The following C19orf18 variants were observed in gnomAD, a reference collection of about 807,000 sequenced individuals.
The protein encoded by C19orf18 is uncharacterized protein C19orf18.
In C19orf18, 21 loss-of-function variants were observed where a neutral mutation model predicts 23.3. That is an observed-to-expected ratio of 0.90 (90% CI 0.64 to 1.30). The LOEUF (loss-of-function observed/expected upper bound fraction) is 1.30. C19orf18 is among the 50% of genes most tolerant of loss of function. The pLI, the probability that C19orf18 is intolerant of heterozygous loss-of-function variation, is 0.00. For synonymous variants in C19orf18, 96 were observed against 95.2 expected, an observed-to-expected ratio of 1.01 and a Z score of -0.05; for missense variants, 249 against 259.6, an observed-to-expected ratio of 0.96 and a Z score of 0.28.
chr19:57,958,548 C>G lies in C19orf18; in HGVS notation c.*54G>C. Reference sequence around the variant, plus strand: ...AAGCCACGCCCACAGGCTCAGTCTCCCAGCACCCCCATAGTTTCTCCTCTG... The same window carrying G: ...AAGCCACGCCCACAGGCTCAGTCTCGCAGCACCCCCATAGTTTCTCCTCTG... On this transcript the variant is annotated 3_prime_UTR_variant, in exon 6 of 6. Coordinates refer to ENST00000314391, the MANE Select transcript of C19orf18 (RefSeq NM_152474.5). 8.1e-7 allele frequency: 1 copy of G among 1,238,380 alleles called. No homozygotes were observed. Among genetic ancestry groups the G allele is most frequent in the Non-Finnish European group, 1.1e-6 (1 of 875,248 alleles). The allele number at this position is 1,238,380 out of a possible 1,614,324, so 76.7% of individuals were successfully genotyped here.
At chr19:57,958,962 T>C (rs1021914442) in intron 5 of C19orf18, among the ~76,000 whole-genome samples, 1 of 152,232 alleles carries the variant, frequency 6.6e-6, no homozygotes, top group Admixed American at 6.5e-5. Flanking sequence ...AGAAAATTTA[T>C]AATCCAATGT....
chr19:57,971,101 G>T (rs1223773954), intron 3 of C19orf18, among the ~76,000 whole-genome samples: 2 of 152,154 alleles, frequency 1.3e-5, no homozygotes, highest in South Asian at 2.1e-4. Flanking sequence ...GCTTTAGGAA[G>T]ATTGATAATG....
At chr19:57,963,978 A>G (rs1253707146) in intron 4 of C19orf18, among the ~76,000 whole-genome samples, 2 of 152,216 alleles carry the variant, frequency 1.3e-5, no homozygotes, top group African/African-American at 4.8e-5. Context: ...ATAAAAGCAA[A>G]CTTACCAATA....
chr19:57,966,421 C>A (rs1055454906), intron 4 of C19orf18, 109 bp downstream of exon 4: 1 of 712,028 alleles, frequency 1.4e-6, no homozygotes, highest in Admixed American at 2.7e-5. Context: ...ATGACCAATA[C>A]TTTAGCAATT....
At chr19:57,974,028 A>G (rs1285400208) in intron 2 of C19orf18, 71 bp downstream of exon 2, 3 of 1,446,768 alleles carry the variant, frequency 2.1e-6, no homozygotes, top group East Asian at 2.3e-5. Context: ...CACAGTACAC[A>G]TTCACATGGC....
rs748063741 is a variant in C19orf18, at chr19:57,974,096, C to T, written c.226+3G>A. On this transcript the variant is annotated splice_donor_region_variant and intron_variant, in intron 2 of 5. Coordinates refer to ENST00000314391, the MANE Select transcript of C19orf18 (RefSeq NM_152474.5). ...CCACTGAATGAGGAATTCAATGACT[C>T]ACCCGTGGATCTCGAGGCAGCCCCT... 1.4e-5 allele frequency: 22 copies of T among 1,612,838 alleles called. No individual in the cohort carries two copies. Among genetic ancestry groups the T allele is most frequent in the East Asian group, 8.9e-5 (4 of 44,864 alleles).
rs989862465 is a variant in C19orf18, at chr19:57,966,640, GAAAGA to G, written c.269-13_269-9del. 7.0e-6 allele frequency: 11 copies of G among 1,576,010 alleles called. No individual in the cohort carries two copies. The highest frequency in any genetic ancestry group is 4.1e-5 in the African/African-American group (3 of 73,910). On this transcript the variant is annotated splice_polypyrimidine_tract_variant and intron_variant, in intron 3 of 5. Coordinates refer to ENST00000314391, the MANE Select transcript of C19orf18 (RefSeq NM_152474.5). ...GTCTATGCCGAATTATTGCTAAAAA[GAAAGA>G]AAAGAAAAGAAGTGCTCAAAAATGT...
chr19:57,972,363 C>T, intron 3 of C19orf18, 100 bp downstream of exon 3: 1 of 1,404,050 alleles, frequency 7.1e-7, no homozygotes, highest in African/African-American at 1.4e-5. Flanking sequence ...ACCACGTGTG[C>T]AGGCTCCTTG....
At chr19:57,969,582 A>AAAAAAAAAAAAAAAAC in intron 3 of C19orf18, among the ~76,000 whole-genome samples, 1 of 148,128 alleles carries the variant, frequency 6.8e-6, no homozygotes, top group Non-Finnish European at 1.5e-5. Context: ...AAAAAAAAAA[A>AAAAAAAAAAAAAAAAC]AAAAAAAAAA....
At chr19:57,965,710 T>C (rs2072902866) in intron 4 of C19orf18, among the ~76,000 whole-genome samples, 1 of 151,982 alleles carries the variant, frequency 6.6e-6, no homozygotes, top group Admixed American at 6.6e-5. Flanking sequence ...ATCCATACCA[T>C]TACACTCTAG....
At position 57,966,461 on chromosome 19, in the gene C19orf18, T is replaced by C. The variant is rs1004292783; in HGVS notation, c.371+69A>G. 36 of 981,638 alleles carry C rather than the reference T, an allele frequency of 3.7e-5. No homozygotes were observed. In the East Asian group the frequency reaches 7.8e-4, roughly 21 times the overall value. The allele number at this position is 981,638 out of a possible 1,614,324, so 60.8% of individuals were successfully genotyped here. The stretch of plus-strand genomic sequence containing the variant: ...GATGTATCATCATCATCCTTTGACA[T>C]TAAATAATAATCAGTTGACTTGTTA... On this transcript the variant is annotated intron_variant, in intron 4 of 5. Coordinates refer to ENST00000314391, the MANE Select transcript of C19orf18 (RefSeq NM_152474.5).
At chr19:57,963,848 C>T (rs1447924445) in intron 4 of C19orf18, among the ~76,000 whole-genome samples, 1 of 152,092 alleles carries the variant, frequency 6.6e-6, no homozygotes, top group East Asian at 1.9e-4. Context: ...TGAGATGACG[C>T]CACTGCACTC....
At position 57,958,640 on chromosome 19, in the gene C19orf18, T is replaced by C. The variant is rs532952843; in HGVS notation, c.610A>G (p.Lys204Glu). 19 of 1,608,808 alleles carry C rather than the reference T, an allele frequency of 1.2e-5. 1 individual carries two copies. In the Middle Eastern group the frequency reaches 9.9e-4, roughly 84 times the overall value. The change falls in exon 6 of 6, where the codon AAG (lysine) becomes GAG (glutamate). Residue 204 changes from lysine (K) to glutamate (E), a missense_variant. Physicochemically the swap from Lys to Glu is moderately conservative, Grantham distance 56. Coordinates refer to ENST00000314391, the MANE Select transcript of C19orf18 (RefSeq NM_152474.5). ...ATTTTTCCATTATGTGACGCATTCT[T>C]TGTTTTGTTTTCTGTTACTGAGTTT... ...EQNSVTENKT[K>E]NASHNGKMED... is the part of the protein sequence containing the mutation.
intron 5 of C19orf18, 83 bp from the exon 6 acceptor site, chr19:57,958,800 G>A: frequency 1.5e-6 from 1 of 684,432 alleles, no homozygotes; most frequent in Non-Finnish European, 2.4e-6. Flanking sequence ...AAAAAGCCTG[G>A]AAAAATAGAG....
intron 3 of C19orf18, 137 bp downstream of exon 3, chr19:57,972,326 G>A: frequency 3.0e-6 from 3 of 1,014,646 alleles, no homozygotes; most frequent in Non-Finnish European, 4.3e-6. Context: ...CTCCAGAGGG[G>A]GCACCTTGTC....
Position 57,966,592 on chromosome 19 carries a change from T to TA in C19orf18, c.308dup (p.Leu103PhefsTer28), listed in dbSNP as rs1568567473. Reference sequence around the variant, plus strand: ...CAATGCTGAAGGCTACGCTCGAAATTAAAATTACTTTAACAAGAGCAGGTC... The same window carrying TA: ...CAATGCTGAAGGCTACGCTCGAAATTAAAAATTACTTTAACAAGAGCAGGTC... On this transcript the variant is annotated frameshift_variant, in exon 4 of 6. Transcript: ENST00000314391. LOFTEE classifies it high-confidence loss of function. 6.2e-7 allele frequency: 1 copy of TA among 1,613,284 alleles called. No individual in the cohort carries two copies. The highest frequency in any genetic ancestry group is 8.5e-7 in the Non-Finnish European group (1 of 1,179,464).
At chr19:57,973,518 G>T (rs1260043268) in intron 2 of C19orf18, among the ~76,000 whole-genome samples, 1 of 152,010 alleles carries the variant, frequency 6.6e-6, no homozygotes, top group African/African-American at 2.4e-5. Context: ...GAGGTCAGGA[G>T]ATCAAGACCA....
At chr19:57,968,029 A>AAGAAAAAGAAAT (rs2072920277) in intron 3 of C19orf18, among the ~76,000 whole-genome samples, 1 of 151,962 alleles carries the variant, frequency 6.6e-6, no homozygotes, top group Non-Finnish European at 1.5e-5. Context: ...GAAAAAGAAA[A>AAGAAAAAGAAAT]AGAAACAAAG....
In C19orf18 at chr19:57,974,223, G is replaced by C; in HGVS notation, c.122-20C>G. ...TACTGCCTTGAAAAGAAAACTTTTT[G>C]CGGTGAAATGTAATTACCTTCTTTT... On this transcript the variant is annotated intron_variant, in intron 1 of 5. Transcript: ENST00000314391. 6.2e-7 allele frequency: 1 copy of C among 1,613,154 alleles called. No homozygotes were observed.
Sources: allele counts gnomAD v4.1 joint callset (sites outside exome capture counted in the v4.1 genomes callset), GRCh38; gene constraint gnomAD v4.1.1; transcripts MANE v1.5; gene names NCBI Gene and HGNC (gene_info 2026-07-23, HGNC 2026-07-21).